ZNF490: variants seen among roughly 807,000 people sequenced by gnomAD.
ZNF490 encodes the protein zinc finger protein 490.
In ZNF490, 11 loss-of-function variants were observed where a neutral mutation model predicts 17.7. That is an observed-to-expected ratio of 0.62 (90% CI 0.39 to 1.03). The LOEUF is 1.03. ZNF490 is among the 50% of genes least tolerant of loss of function. ZNF490 has a pLI of 0.00. For synonymous variants in ZNF490, 222 were observed against 216.1 expected, an observed-to-expected ratio of 1.03 and a Z score of -0.24; for missense variants, 542 against 643.4, an observed-to-expected ratio of 0.84 and a Z score of 1.71.
intron 2 of ZNF490, among the ~76,000 whole-genome samples, chr19:12,599,715 T>G (rs376199160): frequency 2.6e-5 from 4 of 152,198 alleles, no homozygotes; most frequent in South Asian, 2.1e-4. Flanking sequence ...GAAAGTAGAG[T>G]ATACTTTTGG....
At chr19:12,594,167 T>A (rs2022905034) in intron 2 of ZNF490, among the ~76,000 whole-genome samples, 1 of 152,108 alleles carries the variant, frequency 6.6e-6, no homozygotes, top group African/African-American at 2.4e-5. Flanking sequence ...AGAGGAGGTT[T>A]CTAAAGCCAC....
chr19:12,606,189 A>AT lies in ZNF490; in HGVS notation c.162+2968dup, dbSNP rs140363828. On this transcript the variant is annotated intron_variant, in intron 2 of 4. Transcript: ENST00000311437. ...GCCACCGCGCCTGGCCTAAAATAGGATTTTTTTTTTTTTTCATTTTAGAGA... is the reference window on the plus strand; with the variant it reads ...GCCACCGCGCCTGGCCTAAAATAGGATTTTTTTTTTTTTTTCATTTTAGAGA... 4.2e-3 allele frequency among the ~76,000 whole-genome samples: 586 copies of AT among 139,126 alleles called. 4 individuals carry two copies. Among genetic ancestry groups the AT allele is most frequent in the African/African-American group, 0.011 (397 of 37,784 alleles). The allele number at this position is 139,126 out of a possible 152,430, so 91.3% of individuals were successfully genotyped here.
rs1293810244 is a variant in ZNF490, at chr19:12,581,344, T to C, written c.731A>G (p.His244Arg). 6.2e-7 allele frequency: 1 copy of C among 1,614,102 alleles called. No individual in the cohort carries two copies. The highest frequency in any genetic ancestry group is 8.5e-7 in the Non-Finnish European group (1 of 1,180,030). Residue 244 changes from histidine to arginine, a missense_variant, in exon 5 of 5, where the codon CAT (histidine) becomes CGT (arginine). Coordinates refer to ENST00000311437, the MANE Select transcript of ZNF490 (RefSeq NM_020714.3). ...ACATTCATAGGGTGTCTCTCCAGTA[T>C]GAATTCTTATATGGTTTCGAAAGGA... ...LFSFRNHIRI[H>R]TGETPYECKE...
chr19:12,601,043 C>T (rs956179578), intron 2 of ZNF490, among the ~76,000 whole-genome samples: 2 of 149,328 alleles, frequency 1.3e-5, no homozygotes, highest in African/African-American at 2.5e-5. Context: ...TGAGCTGAGG[C>T]TCACAGCTTT....
chr19:12,579,111 G>A lies in ZNF490; in HGVS notation c.*1374C>T, dbSNP rs1044272113. 9.4e-6 allele frequency: 2 copies of A among 213,186 alleles called. No homozygotes were observed. The highest frequency in any genetic ancestry group is 1.6e-5 in the Non-Finnish European group (2 of 123,846). 13.2% of individuals were successfully genotyped at this position (213,186 alleles called of 1,614,324 possible). A position where few individuals can be genotyped will look rare whatever the true frequency, so the allele number is the denominator to read the frequency against. On this transcript the variant is annotated 3_prime_UTR_variant, in exon 5 of 5. Transcript: ENST00000311437. ...CACTAAAAATACAAAAAATGAGCCG[G>A]GCGTGGTGGCGGGCGCCTGTAGTCC...
rs186360775 is a variant in ZNF490, at chr19:12,601,113, G to A, written c.162+8045C>T. 6.2e-3 allele frequency among the ~76,000 whole-genome samples: 940 copies of A among 151,980 alleles called. 8 individuals are homozygous for A. Among genetic ancestry groups the A allele is most frequent in the African/African-American group, 0.021 (857 of 41,490 alleles). On this transcript the variant is annotated intron_variant, in intron 2 of 4. Coordinates refer to ENST00000311437, the MANE Select transcript of ZNF490 (RefSeq NM_020714.3). The stretch of plus-strand genomic sequence containing the variant: ...AAAAAAAAGAAAAAAAAAAGGCCAG[G>A]TGCGTTGGCTTACGCCTGTAATCCC...
At chr19:12,609,978 C>T (rs1345568084) in intron 1 of ZNF490, 2 of 444,924 alleles carry the variant, frequency 4.5e-6, no homozygotes, top group Non-Finnish European at 8.9e-6. Context: ...CATAAATCTA[C>T]AAAAATAAAA....
intron 2 of ZNF490, among the ~76,000 whole-genome samples, chr19:12,596,436 T>C (rs942842303): frequency 7.9e-5 from 12 of 152,036 alleles, no homozygotes; most frequent in Admixed American, 7.9e-4. Flanking sequence ...TACCAACATT[T>C]TGGGAGGCCA....
At chr19:12,588,162 T>A (rs145899514) in intron 2 of ZNF490, among the ~76,000 whole-genome samples, 30 of 150,718 alleles carry the variant, frequency 2.0e-4, no homozygotes, top group African/African-American at 7.3e-4. Flanking sequence ...CCATGCCTGG[T>A]CAATTTTTAT....
At chr19:12,596,199 G>T (rs2022930719) in intron 2 of ZNF490, among the ~76,000 whole-genome samples, 1 of 146,424 alleles carries the variant, frequency 6.8e-6, no homozygotes, top group African/African-American at 2.6e-5. Context: ...TGGGAGGCAG[G>T]GGTTGCAGTG....
At chr19:12,600,606 T>C (rs2022991379) in intron 2 of ZNF490, among the ~76,000 whole-genome samples, 3 of 152,134 alleles carry the variant, frequency 2.0e-5, no homozygotes, top group Admixed American at 2.0e-4. Context: ...ATAATTATTA[T>C]GTTAAATTAT....
intron 2 of ZNF490, among the ~76,000 whole-genome samples, chr19:12,596,015 A>G (rs2022928451): frequency 6.6e-6 from 1 of 152,130 alleles, no homozygotes; most frequent in Non-Finnish European, 1.5e-5. Context: ...CTGTAATCCC[A>G]GCACTTCAGA....
chr19:12,598,209 C>A (rs113024240), intron 2 of ZNF490, among the ~76,000 whole-genome samples: 7 of 148,598 alleles, frequency 4.7e-5, no homozygotes, highest in African/African-American at 1.7e-4. Flanking sequence ...GGTGGCAGAG[C>A]GAGACTCTGT....
chr19:12,592,014 C>G (rs2145151366), intron 2 of ZNF490, among the ~76,000 whole-genome samples: 1 of 152,134 alleles, frequency 6.6e-6, no homozygotes, highest in African/African-American at 2.4e-5. Flanking sequence ...ATGGATAAAC[C>G]ATCTGGTTCA....
At chr19:12,595,413 T>G (rs558366283) in intron 2 of ZNF490, among the ~76,000 whole-genome samples, 1 of 151,808 alleles carries the variant, frequency 6.6e-6, no homozygotes, top group African/African-American at 2.4e-5. Context: ...ATGTCCAGCC[T>G]TTTTTTTAGT....
intron 2 of ZNF490, among the ~76,000 whole-genome samples, chr19:12,602,411 A>T (rs1375409430): frequency 6.6e-6 from 1 of 151,816 alleles, no homozygotes; most frequent in African/African-American, 2.4e-5. Context: ...TTAGTTGGGC[A>T]TGGTGGCAGG....
intron 2 of ZNF490, among the ~76,000 whole-genome samples, chr19:12,592,541 T>A (rs1184307178): frequency 1.3e-5 from 2 of 152,158 alleles, no homozygotes; most frequent in African/African-American, 2.4e-5. Flanking sequence ...AAAAAGGCTT[T>A]TGACTGTCAA....
chr19:12,578,451 G>C lies in ZNF490; in HGVS notation c.*2034C>G. On this transcript the variant is annotated 3_prime_UTR_variant, in exon 5 of 5. Coordinates refer to ENST00000311437, the MANE Select transcript of ZNF490 (RefSeq NM_020714.3). The stretch of plus-strand genomic sequence containing the variant: ...TCTGCTTCTTCAGTCTCTCACCTCA[G>C]AGCCACCTGCGGTTGCCACAGAGAA... 1 of 985,450 alleles carries C rather than the reference G, an allele frequency of 1.0e-6. No homozygotes were observed. The highest frequency in any genetic ancestry group is 1.1e-4 in the East Asian group (1 of 8,816). The allele number at this position is 985,450 out of a possible 1,614,324, so 61.0% of individuals were successfully genotyped here.
Position 12,578,071 on chromosome 19 carries a change from T to C in ZNF490, c.*2414A>G. Reference sequence around the variant, plus strand: ...CAGCACCTCCCATACACAACAGAGCTGGAGCGCTGCAGGGTGGGTCCTTTT... The same window carrying C: ...CAGCACCTCCCATACACAACAGAGCCGGAGCGCTGCAGGGTGGGTCCTTTT... On this transcript the variant is annotated 3_prime_UTR_variant, in exon 5 of 5. Coordinates refer to ENST00000311437, the MANE Select transcript of ZNF490 (RefSeq NM_020714.3). 1.4e-5 allele frequency: 14 copies of C among 985,450 alleles called. No homozygotes were observed. Among genetic ancestry groups the C allele is most frequent in the Non-Finnish European group, 1.7e-5 (14 of 829,978 alleles). The allele number at this position is 985,450 out of a possible 1,614,324, so 61.0% of individuals were successfully genotyped here.
Sources: gnomAD v4.1 joint callset for allele counts (sites outside exome capture counted in the v4.1 genomes callset) on GRCh38, gnomAD v4.1.1 for gene constraint, MANE v1.5 for transcripts, NCBI Gene and HGNC (gene_info 2026-07-23, HGNC 2026-07-21) for gene names.